The following EIF4E variants were observed in gnomAD, a reference collection of about 807,000 sequenced individuals.
EIF4E encodes eukaryotic translation initiation factor 4E, also known as eIF-4F 25 kDa subunit.
For missense variants in EIF4E, 113 were observed against 265.6 expected, an observed-to-expected ratio of 0.43 and a Z score of 3.99; for synonymous variants, 71 against 88.5, an observed-to-expected ratio of 0.80 and a Z score of 1.11.
At chr4:98,890,515 G>C (rs1341946527) in intron 3 of EIF4E, among the ~76,000 whole-genome samples, 5 of 152,032 alleles carry the variant, frequency 3.3e-5, no homozygotes, top group African/African-American at 1.2e-4. Flanking sequence ...TTATTTTATA[G>C]AGAAACAGGG....
chr4:98,895,115 A>G (rs1724320091), intron 2 of EIF4E: 1 of 152,270 alleles, frequency 6.6e-6, no homozygotes, highest in African/African-American at 2.4e-5. Context: ...TATAATAGCA[A>G]CATCAAAGAT....
At chr4:98,917,691 A>G (rs1000399511) in intron 1 of EIF4E, among the ~76,000 whole-genome samples, 1 of 152,218 alleles carries the variant, frequency 6.6e-6, no homozygotes, top group African/African-American at 2.4e-5. Context: ...AGGAGGGGCC[A>G]AAGATACAAG....
chr4:98,886,534 C>A, intron 5 of EIF4E: 1 of 425,668 alleles, frequency 2.3e-6, no homozygotes, highest in Non-Finnish European at 4.7e-6. Flanking sequence ...GGCAACATAG[C>A]AAGATCCCAT....
At chr4:98,898,369 G>A (rs905397320) in intron 2 of EIF4E, among the ~76,000 whole-genome samples, 16 of 152,088 alleles carry the variant, frequency 1.1e-4, no homozygotes, top group African/African-American at 2.4e-4. Context: ...AGCACTTTGC[G>A]AGGCCGAGGT....
At chr4:98,884,602 G>T (rs745502649) in intron 6 of EIF4E, among the ~76,000 whole-genome samples, 1 of 152,080 alleles carries the variant, frequency 6.6e-6, no homozygotes, top group Non-Finnish European at 1.5e-5. Context: ...TACTCGGGAG[G>T]CTGAGACATA....
intron 1 of EIF4E, among the ~76,000 whole-genome samples, chr4:98,912,806 A>G (rs1377236080): frequency 6.6e-6 from 1 of 152,244 alleles, no homozygotes; most frequent in Non-Finnish European, 1.5e-5. Context: ...TATACATTTT[A>G]AAACTTAGAA....
chr4:98,924,081 A>T (rs9996014), intron 1 of EIF4E, among the ~76,000 whole-genome samples: 25,039 of 145,918 alleles, frequency 0.17, 2,547 homozygotes, highest in African/African-American at 0.29. Flanking sequence ...TCTTTTGTTT[A>T]TTTTTTTTTT....
At chr4:98,923,579 C>G (rs1165255488) in intron 1 of EIF4E, among the ~76,000 whole-genome samples, 1 of 152,114 alleles carries the variant, frequency 6.6e-6, no homozygotes, top group Non-Finnish European at 1.5e-5. Context: ...CCCAAAGCCT[C>G]GGATTACATG....
intron 1 of EIF4E, among the ~76,000 whole-genome samples, chr4:98,913,950 TAAAC>T (rs1300645725): frequency 1.3e-5 from 2 of 151,548 alleles, no homozygotes; most frequent in South Asian, 2.1e-4. Context: ...AGGTAACAGA[TAAAC>T]AAACCACGGC....
In EIF4E at chr4:98,894,452, T is replaced by C. The variant is rs749566042; in HGVS notation, c.126-3120A>G. On this transcript the variant is annotated intron_variant, in intron 2 of 6. Coordinates refer to ENST00000450253, the MANE Select transcript of EIF4E (RefSeq NM_001968.5). ...ATTACCTCAGCTAGATCTGGAGATT[T>C]TGCTGCAATTTCTATATCAGCCCTT... Among the ~76,000 whole-genome samples, 76 of 152,358 alleles carry C rather than the reference T, an allele frequency of 5.0e-4. 1 individual carries two copies. The highest frequency in any genetic ancestry group is 1.0e-3 in the Admixed American group (16 of 15,304).
rs534452325 is a variant in EIF4E at position 98,924,352 on chromosome 4, CA to C, written c.18+4742del. On this transcript the variant is annotated intron_variant, in intron 1 of 6. Coordinates refer to ENST00000450253, the MANE Select transcript of EIF4E (RefSeq NM_001968.5). ...TCGGCCTCCCAAAGTGCTGGGATTACAGGCATGAGCCACCGCACCCGGCCCA... is the reference window on the plus strand; with the variant it reads ...TCGGCCTCCCAAAGTGCTGGGATTACGGCATGAGCCACCGCACCCGGCCCA... Among the ~76,000 whole-genome samples the C allele has an allele frequency of 4.0e-4, 61 of 152,230 alleles. No individual in the cohort carries two copies. In the East Asian group the frequency reaches 9.1e-3, roughly 23 times the overall value.
intron 1 of EIF4E, among the ~76,000 whole-genome samples, chr4:98,915,538 TA>T (rs1375768858): frequency 6.6e-6 from 1 of 151,622 alleles, no homozygotes; most frequent in Non-Finnish European, 1.5e-5. Flanking sequence ...CATATTTTTG[TA>T]AATTACTTTT....
At position 98,924,236 on chromosome 4, in the gene EIF4E, G is replaced by A. The variant is rs185140538; in HGVS notation, c.18+4859C>T. ...TGGGATTACAAGCACGCATCACCAC[G>A]CCCAGCTAAGTTTTGTATTTTTAGT... is the stretch of plus-strand genomic sequence containing the variant. On this transcript the variant is annotated intron_variant, in intron 1 of 6. Transcript: ENST00000450253. 2.8e-4 allele frequency among the ~76,000 whole-genome samples: 42 copies of A among 152,020 alleles called. 1 individual carries two copies. Among genetic ancestry groups the A allele is most frequent in the African/African-American group, 8.4e-4 (35 of 41,484 alleles).
At chr4:98,903,814 T>C (rs1228553128) in intron 1 of EIF4E, among the ~76,000 whole-genome samples, 1 of 152,218 alleles carries the variant, frequency 6.6e-6, no homozygotes. Flanking sequence ...CAGTAAGTAA[T>C]GCCTTAAAAC....
At chr4:98,881,882 T>C (rs1379233022) in intron 6 of EIF4E, among the ~76,000 whole-genome samples, 4 of 152,210 alleles carry the variant, frequency 2.6e-5, no homozygotes, top group Admixed American at 2.6e-4. Flanking sequence ...TGATACTGTA[T>C]AACAAGGAGA....
At chr4:98,928,841 G>T in intron 1 of EIF4E, 1 of 1,532,878 alleles carries the variant, frequency 6.5e-7, no homozygotes, top group Non-Finnish European at 8.8e-7. Flanking sequence ...GGTTCCGCAG[G>T]AGGCGCCACG....
chr4:98,912,443 G>T (rs1037550881), intron 1 of EIF4E, among the ~76,000 whole-genome samples: 6 of 151,774 alleles, frequency 4.0e-5, no homozygotes, highest in Non-Finnish European at 8.8e-5. Flanking sequence ...GGGCGTGGTG[G>T]TGCATGCCTG....
At chr4:98,882,845 A>T (rs1036990582) in intron 6 of EIF4E, among the ~76,000 whole-genome samples, 9 of 152,040 alleles carry the variant, frequency 5.9e-5, no homozygotes, top group Non-Finnish European at 1.3e-4. Flanking sequence ...AAAAAAAAAA[A>T]GTAAATCCTC....
intron 1 of EIF4E, among the ~76,000 whole-genome samples, chr4:98,905,018 A>T (rs1724808662): frequency 6.6e-6 from 1 of 152,058 alleles, no homozygotes; most frequent in South Asian, 2.1e-4. Flanking sequence ...TTCAAGAAAC[A>T]AGTTCTATTT....
Sources: allele counts gnomAD v4.1 joint callset (sites outside exome capture counted in the v4.1 genomes callset), GRCh38; gene constraint gnomAD v4.1.1; transcripts MANE v1.5; gene names NCBI Gene and HGNC (gene_info 2026-07-23, HGNC 2026-07-21).